SLC22A15: variants seen among roughly 807,000 people sequenced by gnomAD.
The protein encoded by SLC22A15 is solute carrier family 22 member 15.
In SLC22A15, 45 loss-of-function variants were observed where a neutral mutation model predicts 62.7. That is an observed-to-expected ratio of 0.72 (90% CI 0.56 to 0.92). SLC22A15 has a LOEUF of 0.92. Ranked by LOEUF, SLC22A15 falls within the 40% of genes least tolerant of loss-of-function variation. The pLI is 0.00. For synonymous variants in SLC22A15, 264 were observed against 267.0 expected (o/e 0.99, Z 0.11); for missense variants, 622 against 665.6 (o/e 0.93, Z 0.72).
At chr1:115,981,359 CA>C (rs1350422080) in intron 1 of SLC22A15, among the ~76,000 whole-genome samples, 3 of 152,206 alleles carry the variant, frequency 2.0e-5, no homozygotes, top group Admixed American at 1.3e-4. Context: ...TCAGTTTGAG[CA>C]AGTTTTATGC....
chr1:116,050,929 G>A (rs1658034470), intron 8 of SLC22A15, among the ~76,000 whole-genome samples: 1 of 152,028 alleles, frequency 6.6e-6, no homozygotes, highest in Non-Finnish European at 1.5e-5. Flanking sequence ...TACACCAATG[G>A]CAGCCAAGCA....
intron 1 of SLC22A15, among the ~76,000 whole-genome samples, chr1:115,985,320 G>A (rs75453572): frequency 0.025 from 3,733 of 152,292 alleles, 73 homozygotes; most frequent in Middle Eastern, 0.075. Flanking sequence ...AGGAGGAATA[G>A]GCTATGCCAT....
chr1:116,065,147 G>A (rs1658466171), intron 10 of SLC22A15, among the ~76,000 whole-genome samples: 1 of 152,020 alleles, frequency 6.6e-6, no homozygotes, highest in South Asian at 2.1e-4. Flanking sequence ...GTCTCTCCTT[G>A]GTTTGATTTG....
chr1:115,976,541 G>T lies in SLC22A15; in HGVS notation c.-87G>T. The T allele has an allele frequency of 1.1e-6, 1 of 949,700 alleles. No individual in the cohort carries two copies. The highest frequency in any genetic ancestry group is 1.7e-5 in the African/African-American group (1 of 58,412). The allele number at this position is 949,700 out of a possible 1,614,324, so 58.8% of individuals were successfully genotyped here. A position where few individuals can be genotyped will look rare whatever the true frequency, so the allele number is the denominator to read the frequency against. On this transcript the variant is annotated 5_prime_UTR_variant, in exon 1 of 12. Transcript: ENST00000369503. ...CCCGCCCCGGCGGGTCCAAGCCGGTGCCGGGCGCCCAGGGGTTGCCGCGCT... is the reference window on the plus strand; with the variant it reads ...CCCGCCCCGGCGGGTCCAAGCCGGTTCCGGGCGCCCAGGGGTTGCCGCGCT...
intron 5 of SLC22A15, among the ~76,000 whole-genome samples, chr1:116,030,125 G>C (rs1419969287): frequency 6.6e-6 from 1 of 152,216 alleles, no homozygotes; most frequent in Non-Finnish European, 1.5e-5. Flanking sequence ...GGATGTTATA[G>C]ATGGCCTTTG....
At chr1:116,003,267 G>A (rs1655824573) in intron 2 of SLC22A15, among the ~76,000 whole-genome samples, 1 of 152,072 alleles carries the variant, frequency 6.6e-6, no homozygotes, top group Non-Finnish European at 1.5e-5. Context: ...CTCTTTTCCT[G>A]GAGCTGTGAG....
At chr1:116,048,870 A>G (rs954094409) in intron 8 of SLC22A15, among the ~76,000 whole-genome samples, 9 of 152,200 alleles carry the variant, frequency 5.9e-5, no homozygotes, top group African/African-American at 1.9e-4. Context: ...CTAACACATT[A>G]AGGACTCACA....
intron 2 of SLC22A15, among the ~76,000 whole-genome samples, chr1:115,995,806 CT>C (rs1655395802): frequency 1.3e-5 from 2 of 151,250 alleles, no homozygotes; most frequent in African/African-American, 4.9e-5. Context: ...TTCAAGCTGC[CT>C]CTTGTGTCCT....
chr1:116,011,037 G>A (rs1473256660), intron 2 of SLC22A15, among the ~76,000 whole-genome samples: 4 of 152,176 alleles, frequency 2.6e-5, no homozygotes, highest in Admixed American at 6.5e-5. Context: ...GTCATGTGGT[G>A]CGTCCTCCTT....
chr1:116,036,559 A>C (rs1657635809), intron 7 of SLC22A15, among the ~76,000 whole-genome samples: 2 of 152,150 alleles, frequency 1.3e-5, no homozygotes, highest in South Asian at 4.1e-4. Flanking sequence ...TATGACTTTG[A>C]CAAGTTTCTT....
At chr1:116,023,427 G>A (rs754304535) in intron 4 of SLC22A15, among the ~76,000 whole-genome samples, 17 of 152,176 alleles carry the variant, frequency 1.1e-4, no homozygotes, top group Non-Finnish European at 2.4e-4. Context: ...ATATGCACAC[G>A]TCATCAAACT....
In SLC22A15 at chr1:116,067,799, T is replaced by G. The variant is rs1474967396; in HGVS notation, c.*691T>G. ...AGCGGTTTACTCAGAGTCAGGGGTG[T>G]AGCTCTGGCTGCCTGTCAGCTCCCT... On this transcript the variant is annotated 3_prime_UTR_variant, in exon 12 of 12. Coordinates refer to ENST00000369503, the MANE Select transcript of SLC22A15 (RefSeq NM_018420.3). 6.6e-6 allele frequency: 1 copy of G among 152,354 alleles called. No homozygotes were observed. The highest frequency in any genetic ancestry group is 2.1e-4 in the South Asian group (1 of 4,830). 9.4% of individuals were successfully genotyped at this position (152,354 alleles called of 1,614,324 possible).
At chr1:116,009,366 G>A (rs952158152) in intron 2 of SLC22A15, among the ~76,000 whole-genome samples, 1 of 152,138 alleles carries the variant, frequency 6.6e-6, no homozygotes, top group Non-Finnish European at 1.5e-5. Flanking sequence ...GTGCTTTAGA[G>A]GCCTGTCTGG....
At chr1:116,061,577 G>A (rs1658380120) in intron 8 of SLC22A15, among the ~76,000 whole-genome samples, 1 of 152,150 alleles carries the variant, frequency 6.6e-6, no homozygotes, top group African/African-American at 2.4e-5. Flanking sequence ...ATAGGGAATG[G>A]CAGGAAGTAC....
At chr1:115,985,693 A>T (rs997484231) in intron 1 of SLC22A15, among the ~76,000 whole-genome samples, 3 of 151,966 alleles carry the variant, frequency 2.0e-5, no homozygotes, top group African/African-American at 7.2e-5. Context: ...TCATGCCTGT[A>T]ATCCCAGCAC....
chr1:115,991,193 A>G (rs960716543), intron 1 of SLC22A15, among the ~76,000 whole-genome samples: 7 of 152,272 alleles, frequency 4.6e-5, no homozygotes, highest in Non-Finnish European at 1.0e-4. Flanking sequence ...CTAAAAATCC[A>G]TAGCACAAAA....
At chr1:116,030,702 G>C (rs1333775679) in intron 5 of SLC22A15, among the ~76,000 whole-genome samples, 1 of 152,070 alleles carries the variant, frequency 6.6e-6, no homozygotes, top group Non-Finnish European at 1.5e-5. Context: ...ATTCTTTAAG[G>C]TCTTGGGGGA....
chr1:116,023,003 G>A (rs1297479113), intron 4 of SLC22A15, among the ~76,000 whole-genome samples: 8 of 151,988 alleles, frequency 5.3e-5, no homozygotes, highest in African/African-American at 1.7e-4. Flanking sequence ...TTTCCAGAAT[G>A]ATTTTATCTA....
intron 2 of SLC22A15, among the ~76,000 whole-genome samples, chr1:116,004,548 A>G (rs1210479342): frequency 6.6e-6 from 1 of 152,154 alleles, no homozygotes; most frequent in South Asian, 2.1e-4. Context: ...CTTTGGGTAC[A>G]TGCTTCTTTT....
Sources: allele counts gnomAD v4.1 joint callset (sites outside exome capture counted in the v4.1 genomes callset), GRCh38; gene constraint gnomAD v4.1.1; transcripts MANE v1.5; gene names NCBI Gene and HGNC (gene_info 2026-07-23, HGNC 2026-07-21).